DNM1: variants seen among roughly 807,000 people sequenced by gnomAD.
The protein encoded by DNM1 is dynamin-1.
Under a neutral mutation model 104.6 loss-of-function variants are expected in DNM1, and 29 were observed. The observed-to-expected ratio is 0.28, with a 90% CI of 0.21 to 0.38. The LOEUF (loss-of-function observed/expected upper bound fraction) is 0.38. DNM1 is among the 10% of genes least tolerant of loss of function. The pLI is 1.00. For synonymous variants in DNM1, 445 were observed against 475.8 expected (o/e 0.94, Z 0.84); for missense variants, 640 against 1,189.4 (o/e 0.54, Z 6.79).
At chr9:128,242,134 G>A (rs763490718) in intron 14 of DNM1, 98 bp from the exon 15 acceptor site, 1 of 727,558 alleles carries the variant, frequency 1.4e-6, no homozygotes, top group Non-Finnish European at 2.5e-6. Flanking sequence ...AGAGAGCTGG[G>A]AGAGGGGTGG....
chr9:128,248,241 C>T lies in DNM1; in HGVS notation c.1905+306C>T, dbSNP rs1389143634. ...ACTCAGGAGGCTGAGGCAGGAGAAT[C>T]GCTTGAACCCAGGAGGAGGTTGCAA... On this transcript the variant is annotated intron_variant, in intron 18 of 21. Coordinates refer to ENST00000372923, the MANE Select transcript of DNM1 (RefSeq NM_004408.4). The surrounding 1 kb of genome is among the most constrained non-coding windows in gnomAD (Gnocchi z 5.6). 9 of 506,358 alleles carry T rather than the reference C, an allele frequency of 1.8e-5. No individual in the cohort carries two copies. The highest frequency in any genetic ancestry group is 3.2e-5 in the Non-Finnish European group (9 of 280,928). The allele number at this position is 506,358 out of a possible 1,614,324, so 31.4% of individuals were successfully genotyped here. A position where few individuals can be genotyped will look rare whatever the true frequency, so the allele number is the denominator to read the frequency against.
rs34354320 is a variant in DNM1, at chr9:128,224,735, C to CA, written c.1335+347dup. Reference sequence around the variant, plus strand: ...TCGGAGGTGTCATCTTTGGGAGCTCCAGGGAGGGGTCTGGGGAAACCTTAG... The same window carrying CA: ...TCGGAGGTGTCATCTTTGGGAGCTCCAAGGGAGGGGTCTGGGGAAACCTTAG... On this transcript the variant is annotated intron_variant, in intron 10 of 21. Transcript: ENST00000372923. The surrounding 1 kb of genome is among the most constrained non-coding windows in gnomAD (Gnocchi z 4.3). 0.17 allele frequency among the ~76,000 whole-genome samples: 25,332 copies of CA among 151,950 alleles called. 2,382 individuals carry two copies. The highest frequency in any genetic ancestry group is 0.34 in the East Asian group (1,750 of 5,126).
chr9:128,251,632 A>ACG lies in DNM1; in HGVS notation c.2534+693_2534+694insGC, dbSNP rs1829527906. 2.5e-5 allele frequency: 3 copies of ACG among 120,846 alleles called. No homozygotes were observed. The East Asian group carries it at 8.1e-4, about 33-fold the overall frequency. The allele number at this position is 120,846 out of a possible 1,614,324, so 7.5% of individuals were successfully genotyped here. A position where few individuals can be genotyped will look rare whatever the true frequency, so the allele number is the denominator to read the frequency against. On this transcript the variant is annotated intron_variant, in intron 21 of 21. Transcript: ENST00000372923. ...ACTGATGGCTTTTTTCCTCCCCCCA[A>ACG]CCACCCCCTCCGCGACTTCTGGCCC...
At chr9:128,246,802 C>G (rs1029119806) in intron 16 of DNM1, 3 of 425,006 alleles carry the variant, frequency 7.1e-6, no homozygotes, top group Non-Finnish European at 1.3e-5. Context: ...CTCCCCTTCC[C>G]TCCCTCCCTC....
At position 128,203,454 on chromosome 9, in the gene DNM1, C is replaced by A. The variant is rs368835504; in HGVS notation, c.-17C>A. 1,381 of 1,461,992 alleles carry A rather than the reference C, an allele frequency of 9.4e-4. 16 individuals carry two copies. The African/African-American group carries it at 0.018, about 19-fold the overall frequency. The allele number at this position is 1,461,992 out of a possible 1,614,324, so 90.6% of individuals were successfully genotyped here. On this transcript the variant is annotated 5_prime_UTR_variant, in exon 1 of 22. Transcript: ENST00000372923. The surrounding 1 kb of genome is among the most constrained non-coding windows in gnomAD (Gnocchi z 5.3). The stretch of plus-strand genomic sequence containing the variant: ...CTAGCGGCAGCCGGATCGCAGCCTG[C>A]GGGGCCCGCCGCAGCCATGGGCAAC...
At chr9:128,233,667 C>T (rs1835831248) in intron 10 of DNM1, 1 of 300,446 alleles carries the variant, frequency 3.3e-6, no homozygotes, top group East Asian at 9.1e-5. Flanking sequence ...ACCTTGGGAG[C>T]TAACGGTCCC....
rs1287973801 is a variant in DNM1, at chr9:128,255,099, C to T, written c.*385C>T. The stretch of plus-strand genomic sequence containing the variant: ...CTCCAGTGAGCCTCCTTGTCATGCC[C>T]GGCCTGTGGACAGCCAGCCCCCGCC... On this transcript the variant is annotated 3_prime_UTR_variant, in exon 22 of 22. Coordinates refer to ENST00000372923, the MANE Select transcript of DNM1 (RefSeq NM_004408.4). 2.2e-5 allele frequency: 4 copies of T among 181,828 alleles called. No homozygotes were observed. The highest frequency in any genetic ancestry group is 1.0e-4 in the South Asian group (1 of 9,602). The allele number at this position is 181,828 out of a possible 1,614,324, so 11.3% of individuals were successfully genotyped here.
At chr9:128,209,349 G>T (rs1345180642) in intron 1 of DNM1, among the ~76,000 whole-genome samples, 1 of 152,150 alleles carries the variant, frequency 6.6e-6, no homozygotes, top group Non-Finnish European at 1.5e-5. Flanking sequence ...CCCAGGCCCT[G>T]GCTGGGTCAG....
intron 1 of DNM1, among the ~76,000 whole-genome samples, chr9:128,213,807 G>A (rs1834447199): frequency 6.6e-6 from 1 of 152,136 alleles, no homozygotes; most frequent in African/African-American, 2.4e-5. Context: ...TGACAAACAA[G>A]TCTAGCCTAG....
rs921899003 is a variant in DNM1 at position 128,224,451 on chromosome 9, G to T, written c.1335+62G>T. ...GCCCCGCCCTGCACTGCTGCCAGGC[G>T]CTCCTTCCCCATGTCCCCCCCTGCC... On this transcript the variant is annotated intron_variant, in intron 10 of 21. Transcript: ENST00000372923. The surrounding 1 kb of genome is among the most constrained non-coding windows in gnomAD (Gnocchi z 4.3). The T allele has an allele frequency of 3.9e-6, 6 of 1,523,258 alleles. No individual in the cohort carries two copies. The highest frequency in any genetic ancestry group is 2.5e-5 in the South Asian group (2 of 80,178). 94.4% of individuals were successfully genotyped at this position (1,523,258 alleles called of 1,614,324 possible).
At position 128,224,301 on chromosome 9, in the gene DNM1, A is replaced by G; in HGVS notation, c.1247A>G (p.Gln416Arg). The change falls in exon 10 of 22, where the codon CAG becomes CGG. Residue 416 changes from glutamine (Q) to arginine (R), a missense_variant. By Grantham distance (43) the Gln-to-Arg change is conservative (BLOSUM62 1). Transcript: ENST00000372923. The surrounding 1 kb of genome is among the most constrained non-coding windows in gnomAD (Gnocchi z 4.3). The stretch of plus-strand genomic sequence containing the variant: ...GCCTTTGAGACCATTGTGAAAAAGC[A>G]GGTGAAGAAGATCCGAGAACCGTGT... ...DMAFETIVKK[Q>R]VKKIREPCLK... The G allele has an allele frequency of 6.2e-7, 1 of 1,614,120 alleles. No homozygotes were observed.
At position 128,248,870 on chromosome 9, in the gene DNM1, C is replaced by T. The variant is rs1426528095; in HGVS notation, c.2076+117C>T. On this transcript the variant is annotated intron_variant, in intron 19 of 21. Transcript: ENST00000372923. This position sits in a 1 kb window ranked among gnomAD's most constrained non-coding sequence, Gnocchi z 5.6. ...ATGGGACCAGGTCCAGGGAGGGAGG[C>T]ACGGTCCAGACCAGAGCTGTCCAAT... 1.7e-6 allele frequency: 2 copies of T among 1,168,066 alleles called. No homozygotes were observed. The highest frequency in any genetic ancestry group is 2.5e-6 in the Non-Finnish European group (2 of 802,972). The allele number at this position is 1,168,066 out of a possible 1,614,324, so 72.4% of individuals were successfully genotyped here. A position where few individuals can be genotyped will look rare whatever the true frequency, so the allele number is the denominator to read the frequency against.
Position 128,248,287 on chromosome 9 carries a change from G to T in DNM1, c.1906-296G>T, listed in dbSNP as rs2131290892. 1 of 489,014 alleles carries T rather than the reference G, an allele frequency of 2.0e-6. No individual in the cohort carries two copies. The highest frequency in any genetic ancestry group is 2.5e-5 in the South Asian group (1 of 39,266). The allele number at this position is 489,014 out of a possible 1,614,324, so 30.3% of individuals were successfully genotyped here. A position where few individuals can be genotyped will look rare whatever the true frequency, so the allele number is the denominator to read the frequency against. On this transcript the variant is annotated intron_variant, in intron 18 of 21. Coordinates refer to ENST00000372923, the MANE Select transcript of DNM1 (RefSeq NM_004408.4). This position sits in a 1 kb window ranked among gnomAD's most constrained non-coding sequence, Gnocchi z 5.6. Reference sequence around the variant, plus strand: ...TGCAATGAGCCAATACAGCACCACTGCACTCCAGCCTGGGTGACAAAGCAA... The same window carrying T: ...TGCAATGAGCCAATACAGCACCACTTCACTCCAGCCTGGGTGACAAAGCAA...
In DNM1 at chr9:128,211,296, G is replaced by A. The variant is rs564371204; in HGVS notation, c.162-6935G>A. The stretch of plus-strand genomic sequence containing the variant: ...TCTTTGGATTCCCTGCCCTCAAAAC[G>A]GAACCCCACACCTGAGTTGGGCCCC... On this transcript the variant is annotated intron_variant, in intron 1 of 21. Transcript: ENST00000372923. 9.2e-5 allele frequency among the ~76,000 whole-genome samples: 14 copies of A among 152,172 alleles called. No homozygotes were observed. In the South Asian group the frequency reaches 1.2e-3, roughly 14 times the overall value.
chr9:128,233,230 G>A lies in DNM1; in HGVS notation c.1336-791G>A, dbSNP rs74832521. Among the ~76,000 whole-genome samples, 413 of 152,320 alleles carry A rather than the reference G, an allele frequency of 2.7e-3. 8 individuals are homozygous for A. The East Asian group carries it at 0.064, about 24-fold the overall frequency. ...GCTCCTACCCCAAAGGAGTGGGGTCGAGACAGTGTGGCTGGCCAGAGCCGG... is the reference window on the plus strand; with the variant it reads ...GCTCCTACCCCAAAGGAGTGGGGTCAAGACAGTGTGGCTGGCCAGAGCCGG... On this transcript the variant is annotated intron_variant, in intron 10 of 21. Coordinates refer to ENST00000372923, the MANE Select transcript of DNM1 (RefSeq NM_004408.4).
chr9:128,220,934 T>TTTCTTTCTTTCTTTC lies in DNM1; in HGVS notation c.849+595_849+596insCTTTCTTTCTTTCTT, dbSNP rs1214796487. Among the ~76,000 whole-genome samples the TTTCTTTCTTTCTTTC allele has an allele frequency of 4.9e-5, 4 of 82,180 alleles. No homozygotes were observed. Among genetic ancestry groups the TTTCTTTCTTTCTTTC allele is most frequent in the East Asian group, 7.9e-4 (2 of 2,526 alleles). The allele number at this position is 82,180 out of a possible 152,430, so 53.9% of individuals were successfully genotyped here. Reference sequence around the variant, plus strand: ...CTTTCTTTCTTTCTTTCTTTCTTTCTTTTCTTTTCTTTCTTTCTTTCCTTT... The same window carrying TTTCTTTCTTTCTTTC: ...CTTTCTTTCTTTCTTTCTTTCTTTCTTTCTTTCTTTCTTTCTTTCTTTTCTTTCTTTCTTTCCTTT... On this transcript the variant is annotated intron_variant, in intron 6 of 21. Coordinates refer to ENST00000372923, the MANE Select transcript of DNM1 (RefSeq NM_004408.4). This position sits in a 1 kb window ranked among gnomAD's most constrained non-coding sequence, Gnocchi z 5.2.
In DNM1 at chr9:128,253,828, C is replaced by A; in HGVS notation, c.2535-826C>A. 2.2e-6 allele frequency: 2 copies of A among 915,856 alleles called. No individual in the cohort carries two copies. Among genetic ancestry groups the A allele is most frequent in the Non-Finnish European group, 2.8e-6 (2 of 701,834 alleles). 56.7% of individuals were successfully genotyped at this position (915,856 alleles called of 1,614,324 possible). A position where few individuals can be genotyped will look rare whatever the true frequency, so the allele number is the denominator to read the frequency against. On this transcript the variant is annotated intron_variant, in intron 21 of 21. Coordinates refer to ENST00000372923, the MANE Select transcript of DNM1 (RefSeq NM_004408.4). This position sits in a 1 kb window ranked among gnomAD's most constrained non-coding sequence, Gnocchi z 5.9. Reference sequence around the variant, plus strand: ...GTGTGACTGAAGGCAGTGTCCCTGGCCCCAGCTGAAGCACCGTAGCCAGCC... The same window carrying A: ...GTGTGACTGAAGGCAGTGTCCCTGGACCCAGCTGAAGCACCGTAGCCAGCC...
intron 10 of DNM1, among the ~76,000 whole-genome samples, chr9:128,229,633 G>GGT (rs1267156711): frequency 6.8e-6 from 1 of 147,896 alleles, no homozygotes; most frequent in African/African-American, 2.5e-5. Context: ...AGCTTGGCCA[G>GGT]GTGCAGTGGC....
rs1456460876 is a variant in DNM1 at position 128,224,466 on chromosome 9, C to G, written c.1335+77C>G. ...GCTGCCAGGCGCTCCTTCCCCATGT[C>G]CCCCCCTGCCTCCTCGGTAGCATGT... On this transcript the variant is annotated intron_variant, in intron 10 of 21. Coordinates refer to ENST00000372923, the MANE Select transcript of DNM1 (RefSeq NM_004408.4). The surrounding 1 kb of genome is among the most constrained non-coding windows in gnomAD (Gnocchi z 4.3). 1.4e-5 allele frequency: 19 copies of G among 1,365,772 alleles called. No individual in the cohort carries two copies. The highest frequency in any genetic ancestry group is 9.9e-5 in the Admixed American group (5 of 50,572). The allele number at this position is 1,365,772 out of a possible 1,614,324, so 84.6% of individuals were successfully genotyped here. A position where few individuals can be genotyped will look rare whatever the true frequency, so the allele number is the denominator to read the frequency against.
Sources: allele counts gnomAD v4.1 joint callset (sites outside exome capture counted in the v4.1 genomes callset), GRCh38; gene constraint gnomAD v4.1.1; non-coding constraint Gnocchi (gnomAD v3.1); transcripts MANE v1.5; gene names NCBI Gene and HGNC (gene_info 2026-07-23, HGNC 2026-07-21).